SAMD5: variants seen among roughly 807,000 people sequenced by gnomAD.
SAMD5 encodes the protein sterile alpha motif domain-containing protein 5.
In SAMD5, 13 loss-of-function variants were observed where a neutral mutation model predicts 11.3. The ratio of observed to expected loss-of-function variants is 1.15; its 90% CI spans 0.75 to 1.83. The LOEUF is 1.83. SAMD5 is among the 40% of genes most tolerant of loss of function. SAMD5 has a pLI of 0.00. For synonymous variants in SAMD5, 129 were observed against 111.3 expected (o/e 1.16, Z -1.00); for missense variants, 255 against 239.1 (o/e 1.07, Z -0.44).
the SAMD5 span, among the ~76,000 whole-genome samples, chr6:147,769,749 A>G: frequency 6.6e-6 from 1 of 152,188 alleles, no homozygotes; most frequent in Admixed American, 6.5e-5. Context: ...TTTTCTGCCT[A>G]AGGAGATTAG....
intron 1 of SAMD5, among the ~76,000 whole-genome samples, chr6:147,728,749 T>C (rs752949990): frequency 1.3e-5 from 2 of 152,324 alleles, no homozygotes; most frequent in African/African-American, 4.8e-5. Flanking sequence ...GGAGTTTTTC[T>C]ATATAAAACT....
chr6:147,948,021 C>T, the SAMD5 span, among the ~76,000 whole-genome samples: 12 of 151,882 alleles, frequency 7.9e-5, no homozygotes, highest in South Asian at 2.1e-4. Flanking sequence ...TTCATCTGTA[C>T]GGTATTAATG....
At chr6:147,911,050 C>T in the SAMD5 span, among the ~76,000 whole-genome samples, 2 of 152,174 alleles carry the variant, frequency 1.3e-5, no homozygotes, top group African/African-American at 2.4e-5. Flanking sequence ...GGATATTATT[C>T]GTCCTTGACT....
chr6:147,524,170 C>T (rs494234), intron 1 of SAMD5, among the ~76,000 whole-genome samples: 64,183 of 151,780 alleles, frequency 0.42, 14,689 homozygotes, highest in African/African-American at 0.61. Context: ...GTTGATATAC[C>T]TACCTTGAAA....
At chr6:147,521,565 GTTAT>G (rs2128440066) in intron 1 of SAMD5, among the ~76,000 whole-genome samples, 1 of 152,110 alleles carries the variant, frequency 6.6e-6, no homozygotes, top group African/African-American at 2.4e-5. Flanking sequence ...ACTTGAATAA[GTTAT>G]TTAGTCTTTG....
At chr6:147,935,040 G>A in the SAMD5 span, among the ~76,000 whole-genome samples, 2 of 152,286 alleles carry the variant, frequency 1.3e-5, no homozygotes, top group East Asian at 3.9e-4. Context: ...ACAAATGTAT[G>A]ACATTGCTCC....
intron 1 of SAMD5, among the ~76,000 whole-genome samples, chr6:147,671,301 A>G (rs915418800): frequency 9.2e-5 from 14 of 152,244 alleles, no homozygotes; most frequent in African/African-American, 3.1e-4. Flanking sequence ...ACACAGAGAC[A>G]CAAAGTGAGC....
chr6:147,611,026 C>T (rs1336932160), intron 1 of SAMD5, among the ~76,000 whole-genome samples: 18 of 151,890 alleles, frequency 1.2e-4, no homozygotes, highest in Non-Finnish European at 2.1e-4. Context: ...TATGCCACGA[C>T]GCCCGGCTAA....
At chr6:147,647,170 A>G (rs1488580400) in intron 1 of SAMD5, among the ~76,000 whole-genome samples, 5 of 152,076 alleles carry the variant, frequency 3.3e-5, no homozygotes, top group Admixed American at 1.3e-4. Context: ...TCCACCTCAG[A>G]AAAAGAAAAT....
chr6:147,889,565 G>C, the SAMD5 span, among the ~76,000 whole-genome samples: 1 of 152,114 alleles, frequency 6.6e-6, no homozygotes, highest in African/African-American at 2.4e-5. Flanking sequence ...TTGGTTGCTG[G>C]ATATTTTTTA....
chr6:147,714,870 C>A (rs1791445323), intron 1 of SAMD5, among the ~76,000 whole-genome samples: 1 of 152,132 alleles, frequency 6.6e-6, no homozygotes, highest in Non-Finnish European at 1.5e-5. Context: ...CCATCCATTT[C>A]TGAATTATTT....
At chr6:147,530,432 G>A (rs547751447) in intron 1 of SAMD5, among the ~76,000 whole-genome samples, 2 of 152,222 alleles carry the variant, frequency 1.3e-5, no homozygotes, top group East Asian at 1.9e-4. Context: ...CAGTGATAGG[G>A]CATGTCAATT....
chr6:147,570,174 G>A (rs1583088941), downstream of SAMD5, among the ~76,000 whole-genome samples: 1 of 152,160 alleles, frequency 6.6e-6, no homozygotes. Flanking sequence ...GGAAAAAGTG[G>A]GTCTTGCCAC....
intron 1 of SAMD5, among the ~76,000 whole-genome samples, chr6:147,620,711 A>G (rs1789946112): frequency 6.6e-6 from 1 of 152,222 alleles, no homozygotes; most frequent in African/African-American, 2.4e-5. Flanking sequence ...TTAAGTAGCC[A>G]TCGCCTCTGC....
chr6:147,885,164 A>G, the SAMD5 span, among the ~76,000 whole-genome samples: 1 of 152,120 alleles, frequency 6.6e-6, no homozygotes, highest in South Asian at 2.1e-4. Context: ...CAGCTCTTAT[A>G]GTGTTGTCTG....
chr6:147,813,216 G>A, the SAMD5 span, among the ~76,000 whole-genome samples: 1 of 152,194 alleles, frequency 6.6e-6, no homozygotes, highest in African/African-American at 2.4e-5. Flanking sequence ...AGGTGCATTG[G>A]AGATGTTTCA....
rs137893414 is a variant in SAMD5 at position 147,715,312 on chromosome 6, C to T, written c.163-22005C>T. Among the ~76,000 whole-genome samples, 16 of 152,366 alleles carry T rather than the reference C, an allele frequency of 1.1e-4. No individual in the cohort carries two copies. In the East Asian group the frequency reaches 3.1e-3, roughly 29 times the overall value. On this transcript the variant is annotated intron_variant, in intron 1 of 1. Coordinates refer to the SAMD5 transcript ENST00000566741. ...GAGCATGGGCTCCAAACACTGTGCA[C>T]AGCCAGGCACACTGGTGGATGCAGC...
chr6:147,919,774 G>T, the SAMD5 span, among the ~76,000 whole-genome samples: 1 of 152,074 alleles, frequency 6.6e-6, no homozygotes, highest in Non-Finnish European at 1.5e-5. Flanking sequence ...TATCATTCAA[G>T]GGATGTAAAA....
At chr6:147,607,802 G>A (rs1218081974) in intron 1 of SAMD5, among the ~76,000 whole-genome samples, 3 of 152,144 alleles carry the variant, frequency 2.0e-5, no homozygotes, top group African/African-American at 7.2e-5. Flanking sequence ...AAGTTAAAAA[G>A]CTTCTGCACA....
Sources: allele counts gnomAD v4.1 joint callset (sites outside exome capture counted in the v4.1 genomes callset), GRCh38; gene constraint gnomAD v4.1.1; transcripts MANE v1.5; gene names NCBI Gene and HGNC (gene_info 2026-07-23, HGNC 2026-07-21).